POU2F2: variants seen among roughly 807,000 people sequenced by gnomAD.
The protein encoded by POU2F2 is POU domain, class 2, transcription factor 2.
Under a neutral mutation model 63.5 loss-of-function variants are expected in POU2F2, and 14 were observed. That is an observed-to-expected ratio of 0.22 (90% CI 0.15 to 0.34). The LOEUF is 0.34. Ranked by LOEUF, POU2F2 falls within the 10% of genes least tolerant of loss-of-function variation. POU2F2 has a pLI of 1.00. For synonymous variants in POU2F2, 306 were observed against 348.6 expected, an observed-to-expected ratio of 0.88 and a Z score of 1.36; for missense variants, 607 against 815.2, an observed-to-expected ratio of 0.74 and a Z score of 3.11.
At chr19:42,137,154 G>A (rs914175110), upstream of POU2F2, 1 of 152,170 alleles carries the variant, frequency 6.6e-6, no homozygotes, top group African/African-American at 2.4e-5. Context: ...AGAGCTTATA[G>A]TCTTTGGGGG....
intron 1 of POU2F2, among the ~76,000 whole-genome samples, chr19:42,167,886 G>C (rs2034684839): frequency 6.6e-6 from 1 of 152,202 alleles, no homozygotes; most frequent in Non-Finnish European, 1.5e-5. Context: ...CCTTGACAGG[G>C]CTTTGTCAGG....
At chr19:42,157,140 T>C (rs2034471826) in intron 2 of POU2F2, 1 of 152,252 alleles carries the variant, frequency 6.6e-6, no homozygotes, top group Non-Finnish European at 1.5e-5. Context: ...TGTAGCTGGC[T>C]GTGAGGACTC....
At chr19:42,126,830 T>C (rs1199568368) in intron 1 of POU2F2, among the ~76,000 whole-genome samples, 10 of 152,168 alleles carry the variant, frequency 6.6e-5, no homozygotes, top group South Asian at 2.1e-4. Flanking sequence ...CCAGAACGGG[T>C]TGTAACTGCT....
chr19:42,175,588 A>C (rs768257074), intron 1 of POU2F2, among the ~76,000 whole-genome samples: 13 of 152,080 alleles, frequency 8.5e-5, no homozygotes, highest in Non-Finnish European at 1.5e-4. Flanking sequence ...TTTATTGAGA[A>C]AAGGAAGAGA....
At chr19:42,116,687 G>C (rs562644704) in intron 5 of POU2F2, 1 of 308,752 alleles carries the variant, frequency 3.2e-6, no homozygotes, top group South Asian at 2.5e-5. Context: ...CAGGGAGCCT[G>C]GTCCCCAGTG....
chr19:42,193,718 C>A (rs981384345), intron 1 of POU2F2, among the ~76,000 whole-genome samples: 9 of 152,178 alleles, frequency 5.9e-5, no homozygotes, highest in African/African-American at 2.2e-4. Flanking sequence ...ACAGCCAAAC[C>A]CATGCATACG....
In POU2F2 at chr19:42,095,760, CT is replaced by C; in HGVS notation, c.871+27del. 6.2e-7 allele frequency: 1 copy of C among 1,613,660 alleles called. No individual in the cohort carries two copies. The highest frequency in any genetic ancestry group is 1.1e-5 in the South Asian group (1 of 91,082). ...GCGGCCAGCGGCCACTGCCCGCCCC[CT>C]ACGCGGGAACCCCAGCCTGGTCCCA... On this transcript the variant is annotated intron_variant, in intron 9 of 14. Transcript: ENST00000692977. The surrounding 1 kb of genome is among the most constrained non-coding windows in gnomAD (Gnocchi z 7.1).
chr19:42,110,712 C>T (rs1419348189), intron 5 of POU2F2: 1 of 456,118 alleles, frequency 2.2e-6, no homozygotes, highest in Non-Finnish European at 4.4e-6. Flanking sequence ...CTCTTTAAGC[C>T]TCAGTTTCCT....
chr19:42,114,686 C>A (rs1429289911), intron 5 of POU2F2, among the ~76,000 whole-genome samples: 1 of 152,198 alleles, frequency 6.6e-6, no homozygotes, highest in South Asian at 2.1e-4. Context: ...GGCTCTAACA[C>A]TCATGCTTAC....
intron 1 of POU2F2, among the ~76,000 whole-genome samples, chr19:42,126,739 G>C (rs1438622046): frequency 1.3e-5 from 2 of 152,158 alleles, no homozygotes; most frequent in Non-Finnish European, 2.9e-5. Flanking sequence ...AGTTGTGGCT[G>C]TCTGTGTCCA....
At chr19:42,157,419 C>T (rs544975753) in intron 2 of POU2F2, 1 of 152,392 alleles carries the variant, frequency 6.6e-6, no homozygotes, top group Non-Finnish European at 1.5e-5. Flanking sequence ...TCAAAGGCCA[C>T]ATGGGTCTCC....
chr19:42,103,703 G>A (rs1645090900), intron 5 of POU2F2, among the ~76,000 whole-genome samples: 1 of 144,592 alleles, frequency 6.9e-6, no homozygotes, highest in South Asian at 2.2e-4. Context: ...CACCATCTCG[G>A]CTCACTGCAA....
chr19:42,195,994 G>C (rs1478997788), intron 1 of POU2F2, among the ~76,000 whole-genome samples: 5 of 152,104 alleles, frequency 3.3e-5, no homozygotes, highest in African/African-American at 7.2e-5. Context: ...TGGCCAGGCT[G>C]GTCTCGAACT....
intron 4 of POU2F2, among the ~76,000 whole-genome samples, chr19:42,121,355 C>T (rs1286811189): frequency 6.6e-6 from 1 of 152,170 alleles, no homozygotes; most frequent in East Asian, 1.9e-4. Context: ...TGGAGGCAAC[C>T]ACAGAGGCCA....
intron 1 of POU2F2, among the ~76,000 whole-genome samples, chr19:42,127,956 C>CACTTGGG (rs2033356884): frequency 6.6e-6 from 1 of 152,060 alleles, no homozygotes; most frequent in South Asian, 2.1e-4. Flanking sequence ...GCTCGTCTCC[C>CACTTGGG]ACTTGGGTGA....
chr19:42,091,700 A>AC (rs1252856020), intron 14 of POU2F2, 109 bp from the exon 15 acceptor site: 2 of 1,550,508 alleles, frequency 1.3e-6, no homozygotes, highest in African/African-American at 2.8e-5. Context: ...GGTCCCACTG[A>AC]CCCCCATCAG....
chr19:42,109,830 G>A (rs1230580320), intron 5 of POU2F2, among the ~76,000 whole-genome samples: 2 of 152,090 alleles, frequency 1.3e-5, no homozygotes, highest in South Asian at 2.1e-4. Flanking sequence ...TTTTCACCAC[G>A]AAGAAATGAT....
intron 5 of POU2F2, among the ~76,000 whole-genome samples, chr19:42,112,607 C>T (rs1441306508): frequency 2.0e-5 from 3 of 152,186 alleles, no homozygotes; most frequent in Middle Eastern, 3.4e-3. Flanking sequence ...TGACCTCAAG[C>T]GATCCGCCCA....
At chr19:42,191,859 A>G (rs148638516) in intron 1 of POU2F2, among the ~76,000 whole-genome samples, 171 of 152,352 alleles carry the variant, frequency 1.1e-3, no homozygotes, top group Admixed American at 2.7e-3. Flanking sequence ...GTCATGTGTT[A>G]GAATTCCGAC....
Sources: gnomAD v4.1 joint callset for allele counts (sites outside exome capture counted in the v4.1 genomes callset) on GRCh38, gnomAD v4.1.1 for gene constraint, Gnocchi (gnomAD v3.1) non-coding constraint, MANE v1.5 for transcripts, NCBI Gene and HGNC (gene_info 2026-07-23, HGNC 2026-07-21) for gene names.